GARIN1B: variants seen among roughly 807,000 people sequenced by gnomAD.
The protein encoded by GARIN1B is Golgi-associated RAB2 interactor protein 1B.
At chr7:128,709,140 AAAGCCACATGTTGAG>A in the GARIN1B span, 1 of 152,318 alleles carries the variant, frequency 6.6e-6, no homozygotes, top group Non-Finnish European at 1.5e-5. Context: ...CCCAGAGCTC[AAAGCCACATGTTGAG>A]AAGGGCAGAG....
chr7:128,715,316 A>G, the GARIN1B span: 2 of 1,492,096 alleles, frequency 1.3e-6, no homozygotes, highest in Non-Finnish European at 1.8e-6. Context: ...CTGGTTTTTC[A>G]TGATGTCATC....
chr7:128,719,192 T>C, the GARIN1B span: 2 of 1,071,998 alleles, frequency 1.9e-6, no homozygotes, highest in Non-Finnish European at 2.7e-6. Context: ...GTGAGGCCTT[T>C]TCTAAACAGC....
At chr7:128,727,120 C>G in the GARIN1B span, among the ~76,000 whole-genome samples, 38 of 152,270 alleles carry the variant, frequency 2.5e-4, no homozygotes, top group African/African-American at 8.9e-4. Context: ...CAGACCCTAC[C>G]CCAGCCCAGC....
At chr7:128,728,129 A>G in the GARIN1B span, among the ~76,000 whole-genome samples, 3 of 152,210 alleles carry the variant, frequency 2.0e-5, no homozygotes, top group African/African-American at 7.2e-5. Flanking sequence ...TTACAAATGC[A>G]TAGGACTGCA....
At chr7:128,731,158 A>G in the GARIN1B span, 1 of 1,548,828 alleles carries the variant, frequency 6.5e-7, no homozygotes, top group South Asian at 1.1e-5. Context: ...CCTCGTCAAC[A>G]CCACTTTGCA....
At chr7:128,718,665 C>T in the GARIN1B span, among the ~76,000 whole-genome samples, 6 of 152,296 alleles carry the variant, frequency 3.9e-5, no homozygotes, top group Non-Finnish European at 7.4e-5. Context: ...ACAAGCTCAG[C>T]AGGTGTATTT....
chr7:128,717,074 C>T, the GARIN1B span: 1 of 1,314,600 alleles, frequency 7.6e-7, no homozygotes, highest in Non-Finnish European at 1.0e-6. Context: ...GACTACTAAA[C>T]TCAAGGAGAA....
At chr7:128,716,739 T>G in the GARIN1B span, 1 of 1,320,400 alleles carries the variant, frequency 7.6e-7, no homozygotes, top group Non-Finnish European at 1.0e-6. Context: ...AGTGTCGAGG[T>G]TGAGAAACCC....
the GARIN1B span, among the ~76,000 whole-genome samples, chr7:128,721,921 G>A: frequency 1.5e-3 from 235 of 151,630 alleles, 2 homozygotes; most frequent in Middle Eastern, 0.02. Flanking sequence ...TTTTTTTAAC[G>A]TTAAACCAAC....
the GARIN1B span, chr7:128,730,125 C>T: frequency 1.1e-5 from 18 of 1,575,696 alleles, no homozygotes; most frequent in African/African-American, 2.3e-4. Flanking sequence ...CATTCAGCCT[C>T]AGGGCTGGGT....
At chr7:128,726,824 C>T in the GARIN1B span, 10 of 1,613,758 alleles carry the variant, frequency 6.2e-6, no homozygotes, top group African/African-American at 2.7e-5. Flanking sequence ...TGAAATGGCT[C>T]GAGTTTCAGG....
the GARIN1B span, chr7:128,718,893 T>A: frequency 6.2e-7 from 1 of 1,614,212 alleles, no homozygotes; most frequent in Non-Finnish European, 8.5e-7. Flanking sequence ...ATCCTGCAGT[T>A]GAGGACAGTC....
the GARIN1B span, chr7:128,719,032 C>T: frequency 6.2e-7 from 1 of 1,614,106 alleles, no homozygotes; most frequent in East Asian, 2.2e-5. Context: ...GGATTCTTGT[C>T]ACGCACTGCC....
chr7:128,722,931 G>T, the GARIN1B span, among the ~76,000 whole-genome samples: 3 of 152,058 alleles, frequency 2.0e-5, no homozygotes, highest in Non-Finnish European at 2.9e-5. Context: ...TTATATTAAG[G>T]TATATTAATA....
the GARIN1B span, among the ~76,000 whole-genome samples, chr7:128,714,782 A>G: frequency 6.6e-6 from 1 of 152,094 alleles, no homozygotes; most frequent in Non-Finnish European, 1.5e-5. Flanking sequence ...AGAGCTGCTC[A>G]TCGGGGTTCT....
chr7:128,731,253 C>T, the GARIN1B span: 2 of 850,076 alleles, frequency 2.4e-6, no homozygotes, highest in East Asian at 2.4e-5. Context: ...ACGGTGACAG[C>T]AGAGCCTTTC....
the GARIN1B span, among the ~76,000 whole-genome samples, chr7:128,712,753 A>G: frequency 3.7e-4 from 57 of 152,350 alleles, no homozygotes; most frequent in African/African-American, 1.3e-3. Context: ...AGGAGGAAAA[A>G]GCAATGTTTT....
chr7:128,716,693 A>G, the GARIN1B span: 10,985 of 785,622 alleles, frequency 0.014, 90 homozygotes, highest in Middle Eastern at 0.019. Context: ...GCAGTATCCT[A>G]CCCTCAACAA....
the GARIN1B span, chr7:128,731,261 T>C: frequency 2.4e-6 from 2 of 822,278 alleles, no homozygotes; most frequent in Non-Finnish European, 4.2e-6. Context: ...AGCAGAGCCT[T>C]TCCAGCTGTA....
Sources: allele counts gnomAD v4.1 joint callset (sites outside exome capture counted in the v4.1 genomes callset), GRCh38; gene constraint gnomAD v4.1.1; transcripts MANE v1.5; gene names NCBI Gene and HGNC (gene_info 2026-07-23, HGNC 2026-07-21).